Variants in LIMA1 observed in about 807,000 individuals in gnomAD.
The protein encoded by LIMA1 is LIM domain and actin-binding protein 1.
LIMA1 carries 52 observed loss-of-function variants against 62.6 expected under a neutral mutation model. That is an observed-to-expected ratio of 0.83 (90% CI 0.67 to 1.05). The LOEUF (loss-of-function observed/expected upper bound fraction) is 1.05. Among genes scored for constraint, LIMA1 ranks in the 50% least tolerant of loss-of-function variants. The pLI is 0.00. For synonymous variants in LIMA1, 302 were observed against 317.8 expected, an observed-to-expected ratio of 0.95 and a Z score of 0.53; for missense variants, 780 against 902.2, an observed-to-expected ratio of 0.86 and a Z score of 1.74.
At chr12:50,254,728 C>A (rs1941971347) in intron 1 of LIMA1, among the ~76,000 whole-genome samples, 1 of 152,162 alleles carries the variant, frequency 6.6e-6, no homozygotes, top group South Asian at 2.1e-4. Context: ...CATTTACAGA[C>A]TCTCCTGACC....
chr12:50,250,563 C>CAAAAAA (rs754126420), intron 1 of LIMA1, among the ~76,000 whole-genome samples: 1 of 33,906 alleles, frequency 2.9e-5, no homozygotes, highest in African/African-American at 8.4e-5. Context: ...AAGATGTTCT[C>CAAAAAA]AAAAAAAAAA....
At position 50,177,613 on chromosome 12, in the gene LIMA1, C is replaced by T. The variant is rs370081421; in HGVS notation, c.1731G>A (p.Lys577=). 3.1e-5 allele frequency: 50 copies of T among 1,611,026 alleles called. No homozygotes were observed. Among genetic ancestry groups the T allele is most frequent in the Non-Finnish European group, 4.1e-5 (48 of 1,178,696 alleles). The stretch of plus-strand genomic sequence containing the variant: ...CCTTCAGTGAAGAAGATCGTCTTAG[C>T]TTCTTCAGATCTAGATCGACATCCT... The part of the protein sequence containing the change: ...VPEDVDLDLK[K]LRRSSSLKER... The change falls in exon 11 of 11, where the codon AAG becomes AAA. Residue 577 remains lysine (K), a synonymous_variant. Transcript: ENST00000341247.
intron 2 of LIMA1, among the ~76,000 whole-genome samples, chr12:50,244,738 C>G (rs1042339763): frequency 2.6e-5 from 4 of 152,318 alleles, no homozygotes; most frequent in Admixed American, 2.6e-4. Context: ...AAAGATGAAG[C>G]CTTTTCCAAC....
chr12:50,202,934 A>G (rs540500639), intron 6 of LIMA1, among the ~76,000 whole-genome samples: 95 of 151,878 alleles, frequency 6.3e-4, no homozygotes, highest in South Asian at 1.2e-3. Flanking sequence ...ATACAAAAAT[A>G]TGTGTGTGTA....
Position 50,217,862 on chromosome 12 carries a change from G to A in LIMA1, c.630+4159C>T, listed in dbSNP as rs1941371316. 11 of 182,540 alleles carry A rather than the reference G, an allele frequency of 6.0e-5. No individual in the cohort carries two copies. In the South Asian group the frequency reaches 7.8e-4, roughly 13 times the overall value. The allele number at this position is 182,540 out of a possible 1,614,324, so 11.3% of individuals were successfully genotyped here. On this transcript the variant is annotated intron_variant, in intron 4 of 10. Transcript: ENST00000341247. Reference sequence around the variant, plus strand: ...CACTTCAGAAATATCGCTGACTGCCGCAGCCTCTACATTTCAAGCATTTCA... The same window carrying A: ...CACTTCAGAAATATCGCTGACTGCCACAGCCTCTACATTTCAAGCATTTCA...
chr12:50,185,267 A>C, intron 9 of LIMA1: 4 of 418,294 alleles, frequency 9.6e-6, no homozygotes, highest in South Asian at 5.2e-5. Context: ...AGGGGAACTG[A>C]AGGACGCAGA....
intron 9 of LIMA1, chr12:50,188,997 T>C (rs1480002632): frequency 6.6e-6 from 1 of 152,158 alleles, no homozygotes. Flanking sequence ...CCTGTGGGGT[T>C]TGCTACTTTG....
intron 2 of LIMA1, among the ~76,000 whole-genome samples, chr12:50,240,657 A>G (rs1186622392): frequency 1.3e-5 from 2 of 152,172 alleles, no homozygotes; most frequent in Non-Finnish European, 2.9e-5. Context: ...GAAGATCAAG[A>G]GTTCAATGCT....
chr12:50,230,830 G>T (rs1207810626), intron 3 of LIMA1, among the ~76,000 whole-genome samples: 1 of 152,058 alleles, frequency 6.6e-6, no homozygotes, highest in Admixed American at 6.6e-5. Context: ...GCCCGCCTCG[G>T]TCTCCCAAAG....
intron 4 of LIMA1, among the ~76,000 whole-genome samples, chr12:50,218,895 T>TAAAAAA (rs1409254811): frequency 3.6e-4 from 27 of 73,984 alleles, no homozygotes; most frequent in African/African-American, 1.2e-3. Flanking sequence ...CCTATCTCCA[T>TAAAAAA]AAAAAAAAAA....
chr12:50,177,055 T>C lies in LIMA1; in HGVS notation c.*9A>G. On this transcript the variant is annotated 3_prime_UTR_variant, in exon 11 of 11. Coordinates refer to ENST00000341247, the MANE Select transcript of LIMA1 (RefSeq NM_016357.5). ...ACATGAATTTAAGGCCCAGCATCAT[T>C]GCAATTTGTCACTCTTCATCCTCAT... The C allele has an allele frequency of 1.3e-6, 2 of 1,537,412 alleles. No homozygotes were observed. The highest frequency in any genetic ancestry group is 8.7e-7 in the Non-Finnish European group (1 of 1,144,322).
chr12:50,257,011 AAAGTT>A, intron 1 of LIMA1, among the ~76,000 whole-genome samples: 1 of 152,256 alleles, frequency 6.6e-6, no homozygotes, highest in South Asian at 2.1e-4. Flanking sequence ...TCTCCTCTGT[AAAGTT>A]ATTATTTGTT....
At chr12:50,240,063 T>A (rs529385248) in intron 2 of LIMA1, among the ~76,000 whole-genome samples, 3 of 144,076 alleles carry the variant, frequency 2.1e-5, no homozygotes, top group Admixed American at 6.8e-5. Flanking sequence ...TAACATAAAA[T>A]AAAAAATTTT....
chr12:50,248,665 G>A lies in LIMA1; in HGVS notation c.87C>T (p.Asn29=), dbSNP rs1338978098. The part of the protein sequence containing the change: ...TAKELSLVNK[N]KSSAIVEIFS... ...ATATTTCCACAATAGCCGATGACTT[G>A]TTCTTGTTGACAAGAGAAAGTTCTT... Residue 29 remains asparagine, a synonymous_variant, in exon 2 of 11, where the codon AAC becomes AAT. Transcript: ENST00000341247. The A allele has an allele frequency of 1.2e-6, 2 of 1,612,772 alleles. No homozygotes were observed. The highest frequency in any genetic ancestry group is 1.7e-5 in the Admixed American group (1 of 60,002).
At chr12:50,212,994 T>TAATAC (rs1322174104) in intron 4 of LIMA1, among the ~76,000 whole-genome samples, 1 of 152,100 alleles carries the variant, frequency 6.6e-6, no homozygotes, top group Non-Finnish European at 1.5e-5. Context: ...TTTGTATTTT[T>TAATAC]AATAGAGATG....
At chr12:50,242,355 CTCTT>C (rs1941790481) in intron 2 of LIMA1, among the ~76,000 whole-genome samples, 1 of 151,424 alleles carries the variant, frequency 6.6e-6, no homozygotes, top group Non-Finnish European at 1.5e-5. Flanking sequence ...AATATGAACG[CTCTT>C]TGTTTTTTTT....
intron 10 of LIMA1, among the ~76,000 whole-genome samples, chr12:50,178,966 A>ATATATATTT (rs56674261): frequency 1.2e-4 from 15 of 128,962 alleles, no homozygotes; most frequent in East Asian, 8.4e-4. Context: ...ATATATATAT[A>ATATATATTT]TTTTTTTTTT....
intron 4 of LIMA1, among the ~76,000 whole-genome samples, chr12:50,216,564 C>G (rs1029419801): frequency 6.6e-6 from 1 of 152,082 alleles, no homozygotes; most frequent in Admixed American, 6.6e-5. Context: ...ATATACCACT[C>G]ATTCACTCAT....
chr12:50,214,919 G>A (rs975361608), intron 4 of LIMA1, among the ~76,000 whole-genome samples: 1 of 152,158 alleles, frequency 6.6e-6, no homozygotes, highest in Admixed American at 6.6e-5. Flanking sequence ...TTATCTTAAC[G>A]TTAAGTAGAT....
Sources: allele counts gnomAD v4.1 joint callset (sites outside exome capture counted in the v4.1 genomes callset), GRCh38; gene constraint gnomAD v4.1.1; transcripts MANE v1.5; gene names NCBI Gene and HGNC (gene_info 2026-07-23, HGNC 2026-07-21).